NELL2: variants seen among roughly 807,000 people sequenced by gnomAD.
The protein encoded by NELL2 is protein kinase C-binding protein NELL2.
NELL2 carries 41 observed loss-of-function variants against 109.6 expected under a neutral mutation model. The ratio of observed to expected loss-of-function variants is 0.37; its 90% confidence interval spans 0.29 to 0.49. The LOEUF (loss-of-function observed/expected upper bound fraction) is 0.49. Among genes scored for constraint, NELL2 ranks in the 20% least tolerant of loss-of-function variants. The probability of loss-of-function intolerance (pLI) is 0.98; values close to 1 mark genes in which losing one functional copy is unlikely to be tolerated. For synonymous variants in NELL2, 355 were observed against 344.7 expected, an observed-to-expected ratio of 1.03 and a Z score of -0.33; for missense variants, 900 against 1,008.3, an observed-to-expected ratio of 0.89 and a Z score of 1.45.
intron 13 of NELL2, among the ~76,000 whole-genome samples, chr12:44,642,746 G>A (rs1334751960): frequency 6.6e-6 from 1 of 152,120 alleles, no homozygotes; most frequent in Non-Finnish European, 1.5e-5. Context: ...GCTGGGCATG[G>A]TGGTGTGCAC....
chr12:44,609,673 C>A (rs1945537704), intron 14 of NELL2, among the ~76,000 whole-genome samples: 2 of 151,924 alleles, frequency 1.3e-5, no homozygotes. Context: ...TCAAAATGAC[C>A]TACACTGATG....
intron 2 of NELL2, among the ~76,000 whole-genome samples, chr12:44,852,572 A>G (rs1337234526): frequency 6.6e-6 from 1 of 152,212 alleles, no homozygotes; most frequent in Admixed American, 6.6e-5. Flanking sequence ...AATTAACATC[A>G]GTCCTGAAAA....
chr12:44,906,535 G>A (rs1352303013), intron 1 of NELL2, among the ~76,000 whole-genome samples: 2 of 152,200 alleles, frequency 1.3e-5, no homozygotes, highest in South Asian at 4.1e-4. Context: ...GATATGGTGA[G>A]AAGTGGTGAG....
At position 44,816,148 on chromosome 12, in the gene NELL2, A is replaced by G; in HGVS notation, c.185-12T>C. ...GCTTCTGGGAGTATCTAAAAAAGAA[A>G]CAAACATATACTAAGAATAGTAGAA... is the stretch of plus-strand genomic sequence containing the variant. On this transcript the variant is annotated splice_polypyrimidine_tract_variant and intron_variant, in intron 2 of 19. Coordinates refer to ENST00000429094, the MANE Select transcript of NELL2 (RefSeq NM_001145108.2). 1 of 1,572,778 alleles carries G rather than the reference A, an allele frequency of 6.4e-7. No individual in the cohort carries two copies. The highest frequency in any genetic ancestry group is 8.6e-7 in the Non-Finnish European group (1 of 1,163,638).
intron 1 of NELL2, among the ~76,000 whole-genome samples, chr12:44,893,334 T>C (rs1592708172): frequency 6.7e-6 from 1 of 149,786 alleles, no homozygotes; most frequent in Non-Finnish European, 1.5e-5. Flanking sequence ...ATAAAGTTAA[T>C]ACATCAAGTC....
chr12:44,622,688 C>G (rs1312150946), intron 13 of NELL2, among the ~76,000 whole-genome samples: 1 of 152,126 alleles, frequency 6.6e-6, no homozygotes, highest in Non-Finnish European at 1.5e-5. Flanking sequence ...TCAGATACTA[C>G]TTTCTGACCT....
At chr12:44,860,569 C>T (rs186372985) in intron 2 of NELL2, among the ~76,000 whole-genome samples, 1 of 152,236 alleles carries the variant, frequency 6.6e-6, no homozygotes, top group Admixed American at 6.5e-5. Context: ...CTCATGGCCA[C>T]CTTCCAACTT....
intron 12 of NELL2, among the ~76,000 whole-genome samples, chr12:44,678,200 CA>C (rs1431172386): frequency 6.6e-6 from 1 of 151,888 alleles, no homozygotes; most frequent in African/African-American, 2.4e-5. Context: ...AGACAAATGT[CA>C]AAACGGTAGG....
rs765143352 is a variant in NELL2, at chr12:44,875,221, A to G, written c.184+4T>C. On this transcript the variant is annotated splice_donor_region_variant and intron_variant, in intron 2 of 19. Transcript: ENST00000429094. The stretch of plus-strand genomic sequence containing the variant: ...ACAGTGGGGATGCAGCACGCCGGGC[A>G]TACCTTGAAAGAGAAAGGCTTTCGT... 1.9e-5 allele frequency: 30 copies of G among 1,608,762 alleles called. No homozygotes were observed. The highest frequency in any genetic ancestry group is 5.1e-6 in the Non-Finnish European group (6 of 1,176,274).
chr12:44,743,125 G>A (rs570498763), intron 9 of NELL2, among the ~76,000 whole-genome samples: 30 of 152,320 alleles, frequency 2.0e-4, no homozygotes, highest in Non-Finnish European at 2.8e-4. Context: ...CTACAAGCCA[G>A]AAGAGCATGG....
At chr12:44,912,817 T>C (rs182645700) in intron 1 of NELL2, among the ~76,000 whole-genome samples, 2,101 of 152,262 alleles carry the variant, frequency 0.014, 22 homozygotes, top group South Asian at 0.027. Context: ...AGGATTCAAG[T>C]TCATCACAGT....
chr12:44,545,751 A>T (rs1412194531), intron 15 of NELL2, among the ~76,000 whole-genome samples: 3 of 152,208 alleles, frequency 2.0e-5, no homozygotes, highest in South Asian at 4.1e-4. Flanking sequence ...GCAGAGTTTT[A>T]AAAAAATCAG....
At chr12:44,896,757 G>A (rs1945597615) in intron 1 of NELL2, among the ~76,000 whole-genome samples, 1 of 152,078 alleles carries the variant, frequency 6.6e-6, no homozygotes, top group Non-Finnish European at 1.5e-5. Context: ...ATTTTTAAAG[G>A]GCAGATGAGG....
chr12:44,836,862 A>C (rs1347330924), intron 2 of NELL2, among the ~76,000 whole-genome samples: 1 of 152,194 alleles, frequency 6.6e-6, no homozygotes, highest in Non-Finnish European at 1.5e-5. Flanking sequence ...AGAGATTTTT[A>C]AAAAGAGATG....
intron 12 of NELL2, among the ~76,000 whole-genome samples, chr12:44,667,889 C>G (rs964285037): frequency 6.6e-6 from 1 of 152,184 alleles, no homozygotes; most frequent in Non-Finnish European, 1.5e-5. Context: ...ACCCTGGGCC[C>G]TCACAGGCCC....
chr12:44,519,074 T>C (rs1941406387), intron 19 of NELL2, among the ~76,000 whole-genome samples: 1 of 152,162 alleles, frequency 6.6e-6, no homozygotes, highest in Admixed American at 6.5e-5. Flanking sequence ...GAATTTGTAG[T>C]AAGTGAATCT....
intron 9 of NELL2, among the ~76,000 whole-genome samples, chr12:44,745,647 T>C (rs1466415411): frequency 6.6e-6 from 1 of 151,732 alleles, no homozygotes; most frequent in Non-Finnish European, 1.5e-5. Flanking sequence ...AGCATTCTTA[T>C]ACACCAATAA....
At chr12:44,668,389 G>A (rs1948012682) in intron 12 of NELL2, among the ~76,000 whole-genome samples, 2 of 152,140 alleles carry the variant, frequency 1.3e-5, no homozygotes, top group South Asian at 4.1e-4. Flanking sequence ...GACTGGCCAT[G>A]TGCCCTCCTG....
chr12:44,838,403 T>A (rs1944120327), intron 2 of NELL2, among the ~76,000 whole-genome samples: 1 of 152,200 alleles, frequency 6.6e-6, no homozygotes, highest in African/African-American at 2.4e-5. Flanking sequence ...AAATCATCAT[T>A]TCTTAATAAT....
Sources: gnomAD v4.1 joint callset for allele counts (sites outside exome capture counted in the v4.1 genomes callset) on GRCh38, gnomAD v4.1.1 for gene constraint, MANE v1.5 for transcripts, NCBI Gene and HGNC (gene_info 2026-07-23, HGNC 2026-07-21) for gene names.